The following RASGRF2 variants were observed in gnomAD, a reference collection of about 807,000 sequenced individuals.
RASGRF2 encodes ras-specific guanine nucleotide-releasing factor 2.
In RASGRF2, 76 loss-of-function variants were observed where a neutral mutation model predicts 151.0. The ratio of observed to expected loss-of-function variants is 0.50; its 90% CI spans 0.42 to 0.61. The LOEUF is 0.61. Among genes scored for constraint, RASGRF2 ranks in the 20% least tolerant of loss-of-function variants. The pLI is 0.00. For synonymous variants in RASGRF2, 504 were observed against 566.5 expected, an observed-to-expected ratio of 0.89 and a Z score of 1.57; for missense variants, 1,148 against 1,564.6, an observed-to-expected ratio of 0.73 and a Z score of 4.49.
chr5:81,043,096 G>T, intron 2 of RASGRF2, 113 bp downstream of exon 2: 1 of 700,952 alleles, frequency 1.4e-6, no homozygotes, highest in South Asian at 2.1e-5. Flanking sequence ...GTTTTCTCCT[G>T]GTACCTATTC....
intron 2 of RASGRF2, among the ~76,000 whole-genome samples, chr5:81,061,632 T>G (rs1214767527): frequency 2.7e-5 from 4 of 150,766 alleles, no homozygotes; most frequent in Non-Finnish European, 5.9e-5. Context: ...CTCAGCCTCC[T>G]TGAGTAGCTG....
Position 81,227,413 on chromosome 5 carries a change from T to C in RASGRF2, c.*1643T>C, listed in dbSNP as rs1267798175. 1 of 152,214 alleles carries C rather than the reference T, an allele frequency of 6.6e-6. No homozygotes were observed. The highest frequency in any genetic ancestry group is 1.9e-4 in the East Asian group (1 of 5,200). The allele number at this position is 152,214 out of a possible 1,614,324, so 9.4% of individuals were successfully genotyped here. ...ACCATTCCCAAAATATTTTCAATAGTTCATATTAGCCAACAGTGTAGCACT... is the reference window on the plus strand; with the variant it reads ...ACCATTCCCAAAATATTTTCAATAGCTCATATTAGCCAACAGTGTAGCACT... On this transcript the variant is annotated 3_prime_UTR_variant, in exon 27 of 27. Transcript: ENST00000265080.
chr5:80,988,682 T>A (rs1748552558), intron 1 of RASGRF2, among the ~76,000 whole-genome samples: 2 of 152,210 alleles, frequency 1.3e-5, no homozygotes, highest in South Asian at 4.1e-4. Context: ...AGAAGTAACA[T>A]CTCCTCATAG....
chr5:80,962,230 A>G (rs894577406), intron 1 of RASGRF2, among the ~76,000 whole-genome samples: 6 of 152,246 alleles, frequency 3.9e-5, no homozygotes, highest in Admixed American at 2.6e-4. Flanking sequence ...ACACTTATAA[A>G]TCTGAAAGTT....
intron 4 of RASGRF2, among the ~76,000 whole-genome samples, chr5:81,072,861 A>C (rs996171672): frequency 1.3e-5 from 2 of 152,280 alleles, no homozygotes; most frequent in Non-Finnish European, 2.9e-5. Context: ...TATTTTATAG[A>C]TGAAGAAACA....
intron 1 of RASGRF2, among the ~76,000 whole-genome samples, chr5:81,029,350 T>G (rs186389796): frequency 2.6e-5 from 4 of 152,326 alleles, no homozygotes; most frequent in Admixed American, 2.0e-4. Context: ...GACTGCCTCC[T>G]CAAGTGGGTC....
chr5:81,026,811 T>C (rs1206295473), intron 1 of RASGRF2, among the ~76,000 whole-genome samples: 1 of 152,210 alleles, frequency 6.6e-6, no homozygotes, highest in Non-Finnish European at 1.5e-5. Flanking sequence ...TTTTTTATAC[T>C]TTGAAGTCCT....
intron 10 of RASGRF2, 150 bp downstream of exon 10, chr5:81,093,111 C>CT: frequency 1.2e-6 from 1 of 808,336 alleles, no homozygotes; most frequent in Non-Finnish European, 1.9e-6. Context: ...GTTACCAACT[C>CT]TGCCATTTAA....
chr5:81,086,305 G>A (rs1752227866), intron 8 of RASGRF2, among the ~76,000 whole-genome samples: 1 of 152,034 alleles, frequency 6.6e-6, no homozygotes, highest in Admixed American at 6.5e-5. Context: ...TTGACCCCAG[G>A]AATTTGAGAC....
intron 17 of RASGRF2, among the ~76,000 whole-genome samples, chr5:81,162,871 C>G (rs551543055): frequency 1.3e-5 from 2 of 152,146 alleles, no homozygotes; most frequent in South Asian, 4.2e-4. Flanking sequence ...AGATTTGTTA[C>G]AGGAAATTGG....
intron 17 of RASGRF2, among the ~76,000 whole-genome samples, chr5:81,178,809 G>T (rs1022013567): frequency 2.0e-5 from 3 of 152,092 alleles, no homozygotes; most frequent in Non-Finnish European, 4.4e-5. Context: ...CGCCGTCTTG[G>T]CTCACTGCAA....
intron 18 of RASGRF2, among the ~76,000 whole-genome samples, chr5:81,195,867 A>G (rs1321023020): frequency 6.6e-6 from 1 of 152,140 alleles, no homozygotes; most frequent in Non-Finnish European, 1.5e-5. Flanking sequence ...AGCCCATGTG[A>G]TCACCTCTCT....
chr5:81,056,556 T>C (rs1411212789), intron 2 of RASGRF2, among the ~76,000 whole-genome samples: 1 of 152,334 alleles, frequency 6.6e-6, no homozygotes, highest in African/African-American at 2.4e-5. Flanking sequence ...AACTATGTGG[T>C]CAGTTTTGGA....
chr5:80,960,485 G>C lies in RASGRF2; in HGVS notation c.-254G>C, dbSNP rs1329703045. On this transcript the variant is annotated 5_prime_UTR_variant, in exon 1 of 27. Coordinates refer to ENST00000265080, the MANE Select transcript of RASGRF2 (RefSeq NM_006909.3). The surrounding 1 kb of genome is among the most constrained non-coding windows in gnomAD (Gnocchi z 5.5). ...GCTCCACGCGGGCGTTGGGGGCTTG[G>C]GGGGCTCCGGGGGCTCGGCCGGGAG... is the stretch of plus-strand genomic sequence containing the variant. 2.7e-5 allele frequency among the ~76,000 whole-genome samples: 4 copies of C among 150,914 alleles called. No homozygotes were observed. Among genetic ancestry groups the C allele is most frequent in the African/African-American group, 7.2e-5 (3 of 41,392 alleles).
intron 11 of RASGRF2, 70 bp downstream of exon 11, chr5:81,094,432 C>G: frequency 7.1e-7 from 1 of 1,400,512 alleles, no homozygotes; most frequent in Non-Finnish European, 9.9e-7. Flanking sequence ...AGGATAAACT[C>G]CCTAAAGTCA....
chr5:81,102,039 A>G (rs1752711201), intron 12 of RASGRF2, among the ~76,000 whole-genome samples: 1 of 152,232 alleles, frequency 6.6e-6, no homozygotes, highest in African/African-American at 2.4e-5. Context: ...TTTAACATAT[A>G]AAATCATTAA....
At chr5:81,118,408 A>G (rs1753217638) in intron 15 of RASGRF2, among the ~76,000 whole-genome samples, 1 of 152,244 alleles carries the variant, frequency 6.6e-6, no homozygotes, top group African/African-American at 2.4e-5. Flanking sequence ...AGCACTGCAC[A>G]GGAATGTGGG....
At chr5:81,080,972 T>C (rs1354461922) in intron 7 of RASGRF2, among the ~76,000 whole-genome samples, 183 bp downstream of exon 7, 2 of 152,150 alleles carry the variant, frequency 1.3e-5, no homozygotes, top group Admixed American at 6.5e-5. Context: ...ATTCTCTGTG[T>C]CTCATGGATA....
At chr5:81,009,873 G>C (rs1247724175) in intron 1 of RASGRF2, among the ~76,000 whole-genome samples, 3 of 151,970 alleles carry the variant, frequency 2.0e-5, no homozygotes, top group Non-Finnish European at 4.4e-5. Flanking sequence ...AAATAGATTG[G>C]AGAGGCCGGG....
Sources: allele counts gnomAD v4.1 joint callset (sites outside exome capture counted in the v4.1 genomes callset), GRCh38; gene constraint gnomAD v4.1.1; non-coding constraint Gnocchi (gnomAD v3.1); transcripts MANE v1.5; gene names NCBI Gene and HGNC (gene_info 2026-07-23, HGNC 2026-07-21).